The following ZNF148 variants were observed in gnomAD, a reference collection of about 807,000 sequenced individuals.
ZNF148 encodes Beta-Enolase Repressor Factor-1.
Under a neutral mutation model 67.7 loss-of-function variants are expected in ZNF148, and 7 were observed. The ratio of observed to expected loss-of-function variants is 0.10; its 90% CI spans 0.06 to 0.19. The LOEUF is 0.19. ZNF148 is among the 10% of genes least tolerant of loss of function. The pLI, the probability that ZNF148 is intolerant of heterozygous loss-of-function variation, is 1.00. For missense variants in ZNF148, 583 were observed against 947.1 expected, an observed-to-expected ratio of 0.62 and a Z score of 5.05; for synonymous variants, 333 against 330.7, an observed-to-expected ratio of 1.01 and a Z score of -0.08.
At chr3:125,258,446 G>GT (rs1937196696) in intron 7 of ZNF148, among the ~76,000 whole-genome samples, 1 of 74,332 alleles carries the variant, frequency 1.3e-5, no homozygotes. Context: ...AAAAAAAAAA[G>GT]GGGGATAGCA....
chr3:125,369,194 G>A (rs55924958), intron 1 of ZNF148, among the ~76,000 whole-genome samples: 1,805 of 137,456 alleles, frequency 0.013, 46 homozygotes, highest in African/African-American at 0.047. Context: ...CTCAGGAGGC[G>A]GAGGTTGCAG....
At position 125,233,555 on chromosome 3, in the gene ZNF148, C is replaced by T. The variant is rs1397502141; in HGVS notation, c.1171G>A (p.Val391Ile). The change falls in exon 9 of 9, where the codon GTT becomes ATT. Residue 391 changes from valine (V) to isoleucine (I), a missense_variant. Physicochemically the swap from Val to Ile is conservative, Grantham distance 29. This residue lies in a region of ZNF148 where 172 missense variants were observed against 307.7 expected (regional missense o/e 0.56). Coordinates refer to ENST00000360647, the MANE Select transcript of ZNF148 (RefSeq NM_021964.3). The surrounding 1 kb of genome is among the most constrained non-coding windows in gnomAD (Gnocchi z 5.1). ...CTCTTACTATTAATTTTTTTGAGAA[C>T]TAACTTAGGTGGGTGTATTTCTCCT... Reference protein sequence around the residue: ...ASGEIHPPKLVLKKINSKRSL... With the variant: ...ASGEIHPPKLILKKINSKRSL... The T allele has an allele frequency of 6.2e-7, 1 of 1,613,780 alleles. No individual in the cohort carries two copies. The highest frequency in any genetic ancestry group is 8.5e-7 in the Non-Finnish European group (1 of 1,179,950).
At chr3:125,351,441 T>C (rs1225701804) in intron 1 of ZNF148, among the ~76,000 whole-genome samples, 1 of 144,910 alleles carries the variant, frequency 6.9e-6, no homozygotes, top group Non-Finnish European at 1.5e-5. Context: ...GTTTAAGCTA[T>C]CCAAAATGAA....
intron 4 of ZNF148, among the ~76,000 whole-genome samples, chr3:125,294,252 T>TA (rs552683810): frequency 8.5e-5 from 13 of 152,222 alleles, no homozygotes; most frequent in East Asian, 1.9e-4. Flanking sequence ...TGGAGGTGGC[T>TA]AAAAAAACAG....
chr3:125,358,281 C>T (rs1005176090), intron 1 of ZNF148, among the ~76,000 whole-genome samples: 4 of 152,078 alleles, frequency 2.6e-5, no homozygotes, highest in African/African-American at 9.7e-5. Flanking sequence ...CCACTGCACT[C>T]CACTCTGGGC....
chr3:125,306,511 CAATT>C (rs1939885315), intron 4 of ZNF148, among the ~76,000 whole-genome samples: 1 of 151,924 alleles, frequency 6.6e-6, no homozygotes, highest in African/African-American at 2.4e-5. Context: ...GTCAATTAAA[CAATT>C]AAGAAAACAC....
At chr3:125,316,485 T>C (rs1049006414) in intron 3 of ZNF148, among the ~76,000 whole-genome samples, 1 of 152,206 alleles carries the variant, frequency 6.6e-6, no homozygotes, top group Non-Finnish European at 1.5e-5. Flanking sequence ...GGTTCCCTTT[T>C]CTCCACATCC....
At chr3:125,337,483 G>A (rs1941546516) in intron 1 of ZNF148, among the ~76,000 whole-genome samples, 2 of 151,988 alleles carry the variant, frequency 1.3e-5, no homozygotes, top group African/African-American at 4.8e-5. Flanking sequence ...CCAAACTTAA[G>A]GAAAAGCTGT....
At chr3:125,339,484 T>C (rs1941627155) in intron 1 of ZNF148, among the ~76,000 whole-genome samples, 1 of 152,218 alleles carries the variant, frequency 6.6e-6, no homozygotes, top group South Asian at 2.1e-4. Flanking sequence ...AATAACAAAA[T>C]TCTGTTTATG....
chr3:125,282,119 C>T (rs984261705), intron 5 of ZNF148, among the ~76,000 whole-genome samples: 1 of 152,118 alleles, frequency 6.6e-6, no homozygotes, highest in Admixed American at 6.6e-5. Flanking sequence ...ATTTTTTAGT[C>T]TTCAGATAAC....
At chr3:125,250,716 GT>G (rs958378612) in intron 7 of ZNF148, among the ~76,000 whole-genome samples, 1 of 152,056 alleles carries the variant, frequency 6.6e-6, no homozygotes. Flanking sequence ...GTTTGTTTTT[GT>G]TTTTTGCATT....
intron 1 of ZNF148, among the ~76,000 whole-genome samples, chr3:125,336,233 T>C (rs1259981245): frequency 1.3e-5 from 2 of 152,222 alleles, no homozygotes; most frequent in African/African-American, 4.8e-5. Context: ...AAGGATAAAT[T>C]ACAGCACACA....
chr3:125,369,774 A>C (rs2107798377), intron 1 of ZNF148, among the ~76,000 whole-genome samples: 1 of 152,198 alleles, frequency 6.6e-6, no homozygotes, highest in South Asian at 2.1e-4. Context: ...TCAGGAGTTC[A>C]AGACCAGCCT....
At chr3:125,297,642 T>C (rs1307923522) in intron 4 of ZNF148, among the ~76,000 whole-genome samples, 28 of 148,840 alleles carry the variant, frequency 1.9e-4, no homozygotes, top group Non-Finnish European at 1.3e-4. Flanking sequence ...TCAATAAACA[T>C]GAAAAGATAA....
At chr3:125,365,744 C>T (rs1440739630) in intron 1 of ZNF148, among the ~76,000 whole-genome samples, 8 of 152,124 alleles carry the variant, frequency 5.3e-5, no homozygotes, top group Non-Finnish European at 8.8e-5. Context: ...CTTGAATCCA[C>T]GAGGTAGAGG....
intron 7 of ZNF148, among the ~76,000 whole-genome samples, chr3:125,237,974 G>A (rs1469168478): frequency 6.6e-6 from 1 of 152,140 alleles, no homozygotes; most frequent in African/African-American, 2.4e-5. Flanking sequence ...GAGTCCAAAA[G>A]TAAATCCTTA....
Position 125,375,178 on chromosome 3 carries a change from A to AGGGGAAG in ZNF148, c.-317_-311dup, listed in dbSNP as rs1943028204. The AGGGGAAG allele has an allele frequency of 6.6e-6, 1 of 151,740 alleles. No individual in the cohort carries two copies. The highest frequency in any genetic ancestry group is 2.4e-5 in the African/African-American group (1 of 41,206). The allele number at this position is 151,740 out of a possible 1,614,324, so 9.4% of individuals were successfully genotyped here. On this transcript the variant is annotated 5_prime_UTR_variant, in exon 1 of 9. The change abolishes the stop of an existing upstream ORF in the 5' untranslated region. Transcript: ENST00000360647. ...CAACCTTTCTAGGGGCCTTGAGAGG[A>AGGGGAAG]GGGGAAGGGGGGAGGGGGGAGAACT...
intron 7 of ZNF148, among the ~76,000 whole-genome samples, chr3:125,235,987 T>C (rs1936070980): frequency 6.8e-6 from 1 of 147,694 alleles, no homozygotes. Context: ...CATTAGGAGA[T>C]ATATCTAATG....
intron 7 of ZNF148, among the ~76,000 whole-genome samples, chr3:125,263,790 A>G (rs1937448333): frequency 7.8e-6 from 1 of 128,602 alleles, no homozygotes; most frequent in Admixed American, 7.9e-5. Flanking sequence ...GGGTGATAGA[A>G]GCCTCTTTCG....
Sources: gnomAD v4.1 joint callset for allele counts (sites outside exome capture counted in the v4.1 genomes callset) on GRCh38, gnomAD v4.1.1 for gene constraint, gnomAD v4.1.1 regional missense constraint, Gnocchi (gnomAD v3.1) non-coding constraint, MANE v1.5 for transcripts, NCBI Gene and HGNC (gene_info 2026-07-23, HGNC 2026-07-21) for gene names.